RIMS1: variants seen among roughly 807,000 people sequenced by gnomAD.
The protein encoded by RIMS1 is regulating synaptic membrane exocytosis protein 1.
RIMS1 carries 83 observed loss-of-function variants against 214.1 expected under a neutral mutation model. The ratio of observed to expected loss-of-function variants is 0.39; its 90% CI spans 0.32 to 0.47. The LOEUF is 0.47. Ranked by LOEUF, RIMS1 falls within the 20% of genes least tolerant of loss-of-function variation. The probability of loss-of-function intolerance (pLI) is 0.99; values close to 1 mark genes in which losing one functional copy is unlikely to be tolerated. For synonymous variants in RIMS1, 793 were observed against 786.8 expected (o/e 1.01, Z -0.13); for missense variants, 2,050 against 2,161.8 (o/e 0.95, Z 1.03).
At chr6:71,917,745 G>A (rs1778847242) in intron 1 of RIMS1, among the ~76,000 whole-genome samples, 1 of 152,178 alleles carries the variant, frequency 6.6e-6, no homozygotes, top group African/African-American at 2.4e-5. Flanking sequence ...GTGAGAGACG[G>A]TTATAGCTTG....
intron 29 of RIMS1, among the ~76,000 whole-genome samples, chr6:72,347,553 A>G (rs546913024): frequency 2.1e-4 from 31 of 150,730 alleles, no homozygotes; most frequent in African/African-American, 7.0e-4. Flanking sequence ...AACCAATGTG[A>G]TGTATGTAAC....
At chr6:72,020,588 T>G (rs917905512) in intron 2 of RIMS1, among the ~76,000 whole-genome samples, 1 of 152,216 alleles carries the variant, frequency 6.6e-6, no homozygotes, top group Non-Finnish European at 1.5e-5. Flanking sequence ...TGCTCTCCTT[T>G]TATTTCTCCA....
intron 1 of RIMS1, among the ~76,000 whole-genome samples, chr6:71,931,061 T>C (rs1334315887): frequency 6.6e-6 from 1 of 152,108 alleles, no homozygotes; most frequent in Non-Finnish European, 1.5e-5. Context: ...CATGTATTCC[T>C]GTATAACTGC....
chr6:72,152,848 A>ATATATGTATATATATGTATATATATGGG (rs2043860556), intron 4 of RIMS1, among the ~76,000 whole-genome samples: 1 of 81,548 alleles, frequency 1.2e-5, no homozygotes, highest in African/African-American at 5.2e-5. Context: ...GTATATATGG[A>ATATATGTATATATATGTATATATATGGG]ATATATGTAT....
chr6:72,181,919 C>T (rs941092751), intron 5 of RIMS1, among the ~76,000 whole-genome samples: 2 of 152,206 alleles, frequency 1.3e-5, no homozygotes, highest in South Asian at 4.1e-4. Context: ...CATAAAACAT[C>T]TTCACAGATG....
intron 23 of RIMS1, among the ~76,000 whole-genome samples, chr6:72,278,448 G>A (rs2087968382): frequency 6.6e-6 from 1 of 151,958 alleles, no homozygotes; most frequent in South Asian, 2.1e-4. Context: ...AGTATCAAGT[G>A]ATTTCTTTTG....
At chr6:72,334,155 G>C (rs765646980) in intron 29 of RIMS1, among the ~76,000 whole-genome samples, 1 of 151,682 alleles carries the variant, frequency 6.6e-6, no homozygotes. Context: ...AAAGCAACAG[G>C]GTTCTCTTTT....
intron 1 of RIMS1, among the ~76,000 whole-genome samples, chr6:71,919,160 C>T (rs1186627088): frequency 1.3e-5 from 2 of 152,016 alleles, no homozygotes; most frequent in Non-Finnish European, 2.9e-5. Context: ...AGGCAAAGGG[C>T]ACTTTATATT....
At chr6:72,134,322 A>G (rs972245568) in intron 4 of RIMS1, among the ~76,000 whole-genome samples, 3 of 151,974 alleles carry the variant, frequency 2.0e-5, no homozygotes, top group Non-Finnish European at 2.9e-5. Flanking sequence ...AAAAATATGT[A>G]TATATGTGGA....
intron 1 of RIMS1, among the ~76,000 whole-genome samples, chr6:71,957,226 G>C (rs1791555986): frequency 6.6e-6 from 1 of 152,132 alleles, no homozygotes; most frequent in African/African-American, 2.4e-5. Flanking sequence ...AAACAGAAGT[G>C]AAGAGAGGAT....
At chr6:71,891,050 C>A (rs538125951) in intron 1 of RIMS1, among the ~76,000 whole-genome samples, 1 of 152,128 alleles carries the variant, frequency 6.6e-6, no homozygotes, top group Non-Finnish European at 1.5e-5. Flanking sequence ...AATTTATAGT[C>A]TTTTCTCAGT....
intron 23 of RIMS1, among the ~76,000 whole-genome samples, chr6:72,278,925 C>T (rs572485305): frequency 1.2e-4 from 18 of 151,940 alleles, no homozygotes; most frequent in Admixed American, 5.9e-4. Flanking sequence ...AAGTAGTAAG[C>T]CAAAATATAG....
At chr6:72,168,609 C>A (rs1480542343) in intron 4 of RIMS1, among the ~76,000 whole-genome samples, 1 of 152,004 alleles carries the variant, frequency 6.6e-6, no homozygotes, top group East Asian at 1.9e-4. Flanking sequence ...ATTCCTAGAC[C>A]AAGGTCATAT....
intron 28 of RIMS1, among the ~76,000 whole-genome samples, chr6:72,330,495 T>C (rs762470340): frequency 3.9e-4 from 59 of 151,648 alleles, no homozygotes; most frequent in African/African-American, 1.4e-3. Context: ...CATTCAGCAA[T>C]GGGAAGGGGG....
intron 6 of RIMS1, among the ~76,000 whole-genome samples, chr6:72,205,414 T>C (rs1231368942): frequency 6.6e-6 from 1 of 152,138 alleles, no homozygotes; most frequent in African/African-American, 2.4e-5. Flanking sequence ...AAATTAGGTG[T>C]AGGGGCTGCC....
chr6:72,046,922 G>A (rs1823216765), intron 2 of RIMS1, among the ~76,000 whole-genome samples: 1 of 151,762 alleles, frequency 6.6e-6, no homozygotes, highest in Non-Finnish European at 1.5e-5. Flanking sequence ...TTTTTGTTTT[G>A]TATTAAGGAA....
rs537969660 is a variant in RIMS1 at position 72,224,598 on chromosome 6, T to C, written c.1679-9175T>C. Among the ~76,000 whole-genome samples the C allele has an allele frequency of 2.3e-3, 353 of 152,342 alleles. 1 individual carries two copies. Among genetic ancestry groups the C allele is most frequent in the South Asian group, 0.023 (111 of 4,822 alleles). On this transcript the variant is annotated intron_variant, in intron 6 of 33. Coordinates refer to ENST00000521978, the MANE Select transcript of RIMS1 (RefSeq NM_014989.7). The stretch of plus-strand genomic sequence containing the variant: ...GGAAATATAGATTTAAAACGGTTTA[T>C]TCAGTCAAATATTTAGGACCCCTGG...
chr6:72,337,925 G>A (rs541402159), intron 29 of RIMS1, among the ~76,000 whole-genome samples: 123 of 150,830 alleles, frequency 8.2e-4, no homozygotes, highest in South Asian at 1.5e-3. Flanking sequence ...AGAACTCATC[G>A]TTTTTTATGG....
chr6:71,897,743 C>G (rs1392776892), intron 1 of RIMS1, among the ~76,000 whole-genome samples: 1 of 152,094 alleles, frequency 6.6e-6, no homozygotes, highest in African/African-American at 2.4e-5. Context: ...GAGGACCATT[C>G]TTATTTGAAT....
Sources: gnomAD v4.1 joint callset for allele counts (sites outside exome capture counted in the v4.1 genomes callset) on GRCh38, gnomAD v4.1.1 for gene constraint, MANE v1.5 for transcripts, NCBI Gene and HGNC (gene_info 2026-07-23, HGNC 2026-07-21) for gene names.